The following PCDHA2 variants were observed in gnomAD, a reference collection of about 807,000 sequenced individuals.
PCDHA2 encodes the protein protocadherin alpha 2.
In PCDHA2, 58 loss-of-function variants were observed where a neutral mutation model predicts 66.0. That is an observed-to-expected ratio of 0.88 (90% confidence interval 0.71 to 1.09). The LOEUF (loss-of-function observed/expected upper bound fraction) is 1.09, where lower values mean the gene tolerates loss of function less well. PCDHA2 is among the 50% of genes least tolerant of loss of function. PCDHA2 has a pLI of 0.00. For missense variants in PCDHA2, 1,267 were observed against 1,242.3 expected (o/e 1.02, Z -0.30); for synonymous variants, 634 against 554.0 (o/e 1.14, Z -2.03).
chr5:140,969,630 A>G (rs1185557414), intron 1 of PCDHA2: 1 of 654,766 alleles, frequency 1.5e-6, no homozygotes, highest in Non-Finnish European at 2.5e-6. Flanking sequence ...GAAACAGGAC[A>G]GGCCTTGGAA....
chr5:140,841,793 T>G (rs1777495976), intron 1 of PCDHA2: 1 of 1,613,848 alleles, frequency 6.2e-7, no homozygotes. Flanking sequence ...AGAGGGCGCG[T>G]CCGATGCAGA....
intron 1 of PCDHA2, chr5:140,823,247 A>G: frequency 6.2e-7 from 1 of 1,613,366 alleles, no homozygotes; most frequent in Non-Finnish European, 8.5e-7. Context: ...CTGGTGTCCT[A>G]CTCGCTGGTG....
chr5:140,990,304 A>C (rs114506238), intron 3 of PCDHA2, among the ~76,000 whole-genome samples: 1 of 152,168 alleles, frequency 6.6e-6, no homozygotes, highest in African/African-American at 2.4e-5. Context: ...CATTGTCTGT[A>C]AAAAACCAAC....
rs2150186249 is a variant in PCDHA2 at position 140,830,415 on chromosome 5, G to A, written c.2388+33063G>A. ...ATGGATCTCATGGCCTTTAGCCCCA[G>A]CCTTTCACCTTGTCCTATTATGATG... On this transcript the variant is annotated intron_variant, in intron 1 of 3. Coordinates refer to ENST00000526136, the MANE Select transcript of PCDHA2 (RefSeq NM_018905.3). 22 of 1,614,018 alleles carry A rather than the reference G, an allele frequency of 1.4e-5. No individual in the cohort carries two copies. In the East Asian group the frequency reaches 1.8e-4, roughly 13 times the overall value.
intron 1 of PCDHA2, among the ~76,000 whole-genome samples, chr5:140,900,263 G>A (rs909474202): frequency 2.0e-5 from 3 of 151,830 alleles, no homozygotes; most frequent in African/African-American, 7.3e-5. Flanking sequence ...GTACTCCATT[G>A]TGTATATGTA....
At chr5:140,892,552 T>A (rs1041756319) in intron 1 of PCDHA2, among the ~76,000 whole-genome samples, 1 of 152,222 alleles carries the variant, frequency 6.6e-6, no homozygotes, top group East Asian at 1.9e-4. Flanking sequence ...GTTTCTCTAG[T>A]CCTTGGAGAC....
rs543030376 is a variant in PCDHA2, at chr5:140,961,758, G to A, written c.2389-17191G>A. 3.3e-5 allele frequency among the ~76,000 whole-genome samples: 5 copies of A among 152,240 alleles called. No individual in the cohort carries two copies. In the South Asian group the frequency reaches 8.3e-4, roughly 25 times the overall value. On this transcript the variant is annotated intron_variant, in intron 1 of 3. Coordinates refer to ENST00000526136, the MANE Select transcript of PCDHA2 (RefSeq NM_018905.3). ...CTTTAGTAATATTACAGTTTTGAAG[G>A]AATTTATATCAAGCTTAATGGCACT...
At chr5:140,875,372 T>C in intron 1 of PCDHA2, 5 of 1,451,920 alleles carry the variant, frequency 3.4e-6, no homozygotes, top group Non-Finnish European at 4.5e-6. Flanking sequence ...AAAAATTTAC[T>C]AAATATGTAC....
At chr5:140,849,775 C>T (rs369759015) in intron 1 of PCDHA2, 5 of 1,598,318 alleles carry the variant, frequency 3.1e-6, no homozygotes, top group African/African-American at 1.3e-5. Context: ...GTGGTTACCG[C>T]GCGGGACGGG....
chr5:140,807,062 G>A, intron 1 of PCDHA2: 1 of 1,115,782 alleles, frequency 9.0e-7, no homozygotes, highest in Non-Finnish European at 1.3e-6. Flanking sequence ...CTTACTGGAA[G>A]GAACCATATA....
At chr5:140,835,531 G>C (rs2150237714) in intron 1 of PCDHA2, 1 of 1,613,964 alleles carries the variant, frequency 6.2e-7, no homozygotes, top group Admixed American at 1.7e-5. Flanking sequence ...GGAGTCAACG[G>C]ACAGGTTACC....
intron 1 of PCDHA2, among the ~76,000 whole-genome samples, chr5:140,952,297 C>G (rs2094716383): frequency 6.7e-6 from 1 of 149,532 alleles, no homozygotes; most frequent in South Asian, 2.1e-4. Context: ...TTCTCACAGC[C>G]ATTTCACTCC....
intron 1 of PCDHA2, chr5:140,822,754 T>C (rs1767425023): frequency 1.2e-6 from 2 of 1,613,734 alleles, no homozygotes; most frequent in African/African-American, 2.7e-5. Flanking sequence ...TAAAAGTACA[T>C]TCCCATTATC....
At chr5:140,819,799 C>A (rs1766628224) in intron 1 of PCDHA2, among the ~76,000 whole-genome samples, 1 of 151,840 alleles carries the variant, frequency 6.6e-6, no homozygotes, top group African/African-American at 2.4e-5. Flanking sequence ...ATATTTTTTC[C>A]AGACTGAGAG....
chr5:140,926,229 G>A (rs1251523401), intron 1 of PCDHA2: 1 of 152,186 alleles, frequency 6.6e-6, no homozygotes, highest in Non-Finnish European at 1.5e-5. Context: ...AGCCTAGAAG[G>A]TGTGGTCGCT....
chr5:140,877,015 G>C (rs371309003), intron 1 of PCDHA2: 9 of 1,612,358 alleles, frequency 5.6e-6, no homozygotes, highest in Non-Finnish European at 7.6e-6. Context: ...CGCGGAGAGC[G>C]GCAAGGTGTA....
chr5:140,869,363 A>G lies in PCDHA2; in HGVS notation c.2388+72011A>G, dbSNP rs1201912812. The G allele has an allele frequency of 9.3e-6, 15 of 1,614,010 alleles. No individual in the cohort carries two copies. In the Admixed American group the frequency reaches 2.5e-4, roughly 27 times the overall value. ...CTGCAGAATGGCATTTTGTTTGTGA[A>G]TTCTCGGATCGACCGCGAGGAGCTG... On this transcript the variant is annotated intron_variant, in intron 1 of 3. Coordinates refer to ENST00000526136, the MANE Select transcript of PCDHA2 (RefSeq NM_018905.3).
intron 1 of PCDHA2, chr5:140,926,972 C>G (rs782504064): frequency 1.3e-5 from 21 of 1,609,464 alleles, no homozygotes; most frequent in Non-Finnish European, 1.7e-5. Context: ...TACTCAGTGC[C>G]GGAGGAGACG....
chr5:140,907,439 A>T (rs1217956706), intron 1 of PCDHA2, among the ~76,000 whole-genome samples: 1 of 152,250 alleles, frequency 6.6e-6, no homozygotes, highest in Non-Finnish European at 1.5e-5. Flanking sequence ...CTGTGAGTCC[A>T]CAGATGGTAA....
Sources: gnomAD v4.1 joint callset for allele counts (sites outside exome capture counted in the v4.1 genomes callset) on GRCh38, gnomAD v4.1.1 for gene constraint, MANE v1.5 for transcripts, NCBI Gene and HGNC (gene_info 2026-07-23, HGNC 2026-07-21) for gene names.